Variants in GRM8 observed in about 807,000 individuals in gnomAD.
GRM8 encodes the protein glutamate metabotropic receptor 8.
GRM8 carries 47 observed loss-of-function variants against 87.2 expected under a neutral mutation model. The observed-to-expected ratio is 0.54, with a 90% CI of 0.43 to 0.69. GRM8 has a LOEUF of 0.69. GRM8 is among the 30% of genes least tolerant of loss of function. GRM8 has a pLI of 0.00. For missense variants in GRM8, 1,019 were observed against 1,139.2 expected (o/e 0.89, Z 1.52); for synonymous variants, 396 against 404.5 (o/e 0.98, Z 0.25).
chr7:127,144,096 G>A (rs879388465), intron 2 of GRM8, among the ~76,000 whole-genome samples: 7 of 152,086 alleles, frequency 4.6e-5, no homozygotes, highest in Non-Finnish European at 8.8e-5. Context: ...TGGGAATAAT[G>A]ATAGCAGATA....
intron 6 of GRM8, among the ~76,000 whole-genome samples, chr7:126,892,498 G>A (rs1162828762): frequency 6.6e-6 from 1 of 151,962 alleles, no homozygotes; most frequent in East Asian, 1.9e-4. Context: ...AGTATTCCAT[G>A]GTGTATATGT....
chr7:126,715,344 A>T (rs1048653451), intron 7 of GRM8, among the ~76,000 whole-genome samples: 1 of 152,168 alleles, frequency 6.6e-6, no homozygotes, highest in Non-Finnish European at 1.5e-5. Context: ...ACAGTAGTAC[A>T]TATGTATTAC....
chr7:126,990,862 T>C (rs545591871), intron 3 of GRM8, among the ~76,000 whole-genome samples: 1 of 152,352 alleles, frequency 6.6e-6, no homozygotes, highest in Admixed American at 6.5e-5. Context: ...AGAAATGTTT[T>C]AAAAATAAAT....
At chr7:127,170,154 G>C (rs1793706345) in intron 2 of GRM8, among the ~76,000 whole-genome samples, 1 of 152,118 alleles carries the variant, frequency 6.6e-6, no homozygotes, top group Non-Finnish European at 1.5e-5. Context: ...TACCATTCTA[G>C]ATGACATTAA....
chr7:126,648,946 G>A (rs77121920), intron 7 of GRM8, among the ~76,000 whole-genome samples: 3,674 of 152,212 alleles, frequency 0.024, 134 homozygotes, highest in African/African-American at 0.084. Context: ...GACTTCATTT[G>A]CCAGTCATTT....
At chr7:126,955,310 G>C (rs1421368335) in intron 3 of GRM8, among the ~76,000 whole-genome samples, 1 of 152,052 alleles carries the variant, frequency 6.6e-6, no homozygotes, top group Non-Finnish European at 1.5e-5. Context: ...ATTTCTTCAA[G>C]AAGTCAGCTA....
intron 7 of GRM8, among the ~76,000 whole-genome samples, chr7:126,665,252 C>A (rs116998487): frequency 0.064 from 9,737 of 152,182 alleles, 604 homozygotes; most frequent in East Asian, 0.32. Flanking sequence ...CATTACTGGG[C>A]AGATACCAAA....
intron 6 of GRM8, among the ~76,000 whole-genome samples, chr7:126,794,193 A>T (rs1821696275): frequency 6.6e-6 from 1 of 152,154 alleles, no homozygotes. Flanking sequence ...CCTTAGCACT[A>T]GCAGTGTCAA....
intron 3 of GRM8, among the ~76,000 whole-genome samples, chr7:126,942,836 C>A (rs534240718): frequency 6.6e-6 from 1 of 152,190 alleles, no homozygotes; most frequent in African/African-American, 2.4e-5. Flanking sequence ...CTCATGAGAA[C>A]TGGTCATTAA....
rs76101514 is a variant in GRM8, at chr7:126,611,183, T to C, written c.1358-1685A>G. ...GCTCTCCAATCAAGCAGTACTATCT[T>C]AGCTACTCCTTATATATGGAAGTAG... On this transcript the variant is annotated intron_variant, in intron 7 of 10. Coordinates refer to ENST00000339582, the MANE Select transcript of GRM8 (RefSeq NM_000845.3). Among the ~76,000 whole-genome samples, 639 of 152,314 alleles carry C rather than the reference T, an allele frequency of 4.2e-3. 11 individuals carry two copies. In the South Asian group the frequency reaches 0.042, roughly 10 times the overall value.
chr7:126,547,907 A>AC (rs558659078), intron 8 of GRM8, among the ~76,000 whole-genome samples: 54,191 of 151,058 alleles, frequency 0.36, 9,886 homozygotes, highest in East Asian at 0.43. Context: ...GAAAAAAAAA[A>AC]CCTAGTTGAT....
intron 3 of GRM8, among the ~76,000 whole-genome samples, chr7:127,104,137 T>A (rs1825588695): frequency 6.6e-6 from 1 of 152,218 alleles, no homozygotes; most frequent in African/African-American, 2.4e-5. Context: ...TAGCAATCGA[T>A]GTTGCTAAAG....
At chr7:126,924,554 G>A (rs1804887959) in intron 3 of GRM8, among the ~76,000 whole-genome samples, 1 of 152,066 alleles carries the variant, frequency 6.6e-6, no homozygotes, top group Admixed American at 6.6e-5. Flanking sequence ...TCACATGGGT[G>A]GTATTGCCTG....
intron 7 of GRM8, among the ~76,000 whole-genome samples, chr7:126,694,012 C>A (rs1335737639): frequency 6.6e-6 from 1 of 151,818 alleles, no homozygotes; most frequent in African/African-American, 2.4e-5. Context: ...TTTGTATGAC[C>A]ATTATAAATA....
intron 6 of GRM8, among the ~76,000 whole-genome samples, chr7:126,900,847 C>T (rs1258006126): frequency 1.3e-5 from 2 of 152,102 alleles, no homozygotes; most frequent in Admixed American, 1.3e-4. Flanking sequence ...GGCCTGTCCC[C>T]AGGATACTGG....
chr7:126,832,579 C>T (rs1236429096), intron 6 of GRM8, among the ~76,000 whole-genome samples: 2 of 152,144 alleles, frequency 1.3e-5, no homozygotes, highest in African/African-American at 4.8e-5. Flanking sequence ...TTAACCTAGA[C>T]TTACACATTA....
At chr7:127,008,215 G>A (rs1401801781) in intron 3 of GRM8, among the ~76,000 whole-genome samples, 1 of 152,002 alleles carries the variant, frequency 6.6e-6, no homozygotes, top group Admixed American at 6.6e-5. Flanking sequence ...AATTTCTCAT[G>A]TAGACCCAAA....
chr7:127,088,669 C>A (rs1823745017), intron 3 of GRM8, among the ~76,000 whole-genome samples: 1 of 152,142 alleles, frequency 6.6e-6, no homozygotes, highest in African/African-American at 2.4e-5. Context: ...GGACTGACAC[C>A]ATACAGCATG....
At chr7:126,725,488 T>C (rs1462064897) in intron 7 of GRM8, among the ~76,000 whole-genome samples, 1 of 152,180 alleles carries the variant, frequency 6.6e-6, no homozygotes, top group Non-Finnish European at 1.5e-5. Flanking sequence ...GGTCCACTCC[T>C]ACTCTAAAGC....
Sources: allele counts gnomAD v4.1 joint callset (sites outside exome capture counted in the v4.1 genomes callset), GRCh38; gene constraint gnomAD v4.1.1; transcripts MANE v1.5; gene names NCBI Gene and HGNC (gene_info 2026-07-23, HGNC 2026-07-21).